Variants in SGCZ observed in about 807,000 individuals in gnomAD.
SGCZ encodes sarcoglycan zeta.
A neutral mutation model predicts 41.3 loss-of-function variants in SGCZ; 40 were observed. The observed-to-expected ratio is 0.97, with a 90% CI of 0.75 to 1.26. SGCZ has a LOEUF of 1.26. Among genes scored for constraint, SGCZ ranks in the 50% most tolerant of loss-of-function variants. The pLI, the probability that SGCZ is intolerant of heterozygous loss-of-function variation, is 0.00. For missense variants in SGCZ, 552 were observed against 369.8 expected, an observed-to-expected ratio of 1.49 and a Z score of -4.04; for synonymous variants, 206 against 137.5, an observed-to-expected ratio of 1.50 and a Z score of -3.49.
chr8:14,800,586 G>C (rs1006206162), intron 1 of SGCZ, among the ~76,000 whole-genome samples: 1 of 152,108 alleles, frequency 6.6e-6, no homozygotes, highest in African/African-American at 2.4e-5. Context: ...CTGTTTTCCT[G>C]ATAGAGTTCC....
intron 1 of SGCZ, among the ~76,000 whole-genome samples, chr8:14,646,080 T>TA (rs1807204689): frequency 6.6e-6 from 1 of 151,894 alleles, no homozygotes; most frequent in African/African-American, 2.4e-5. Flanking sequence ...TTATTTTAGA[T>TA]ACAGGGAATA....
intron 1 of SGCZ, among the ~76,000 whole-genome samples, chr8:15,032,449 A>G (rs1803708864): frequency 6.6e-6 from 1 of 152,040 alleles, no homozygotes; most frequent in Admixed American, 6.6e-5. Flanking sequence ...TTTGCCTTGG[A>G]CCCAACACCA....
chr8:14,520,925 T>C (rs537359481), intron 2 of SGCZ, among the ~76,000 whole-genome samples: 1 of 152,294 alleles, frequency 6.6e-6, no homozygotes, highest in African/African-American at 2.4e-5. Context: ...ATAAACTTAA[T>C]CACTAATCTT....
At chr8:14,851,094 G>A (rs1167584069) in intron 1 of SGCZ, among the ~76,000 whole-genome samples, 1 of 152,148 alleles carries the variant, frequency 6.6e-6, no homozygotes. Flanking sequence ...TCAAGGCTGG[G>A]CGCAGTGGCT....
At chr8:15,160,609 A>G (rs371765521) in intron 1 of SGCZ, among the ~76,000 whole-genome samples, 6 of 152,180 alleles carry the variant, frequency 3.9e-5, no homozygotes, top group Non-Finnish European at 8.8e-5. Flanking sequence ...GCCCTCTCCC[A>G]ATTTTTCTAG....
chr8:14,716,962 T>C (rs1325581572), intron 1 of SGCZ, among the ~76,000 whole-genome samples: 1 of 152,090 alleles, frequency 6.6e-6, no homozygotes, highest in African/African-American at 2.4e-5. Context: ...ATACATGAGA[T>C]GATTTCATCA....
chr8:14,946,189 T>C (rs1235137376), intron 1 of SGCZ, among the ~76,000 whole-genome samples: 1 of 150,662 alleles, frequency 6.6e-6, no homozygotes, highest in African/African-American at 2.4e-5. Flanking sequence ...GATGTCACTC[T>C]CATGGTGAGT....
chr8:15,236,446 G>C (rs1017372851), intron 1 of SGCZ, among the ~76,000 whole-genome samples: 159 of 151,822 alleles, frequency 1.0e-3, no homozygotes, highest in African/African-American at 3.7e-3. Flanking sequence ...GGGTGGGGGG[G>C]TGCCTAAACA....
intron 2 of SGCZ, among the ~76,000 whole-genome samples, chr8:14,529,454 C>A (rs1197760732): frequency 6.6e-6 from 1 of 152,146 alleles, no homozygotes; most frequent in African/African-American, 2.4e-5. Flanking sequence ...GTTCCTAACT[C>A]CCCATGAAGC....
intron 1 of SGCZ, among the ~76,000 whole-genome samples, chr8:15,184,823 T>G (rs930861323): frequency 6.6e-6 from 1 of 152,190 alleles, no homozygotes; most frequent in African/African-American, 2.4e-5. Context: ...GGCTTCCAAC[T>G]GTTGCTAATC....
intron 1 of SGCZ, among the ~76,000 whole-genome samples, chr8:14,557,503 T>C (rs889697074): frequency 6.6e-6 from 1 of 152,042 alleles, no homozygotes; most frequent in African/African-American, 2.4e-5. Context: ...CTTGCTTAAG[T>C]TAATATCTGG....
intron 1 of SGCZ, among the ~76,000 whole-genome samples, chr8:14,770,893 C>T (rs1431483911): frequency 1.3e-5 from 2 of 151,984 alleles, no homozygotes; most frequent in Non-Finnish European, 2.9e-5. Context: ...TTTAAAAAAA[C>T]AATAAATATG....
chr8:14,951,511 T>C (rs1264149414), intron 1 of SGCZ, among the ~76,000 whole-genome samples: 1 of 152,012 alleles, frequency 6.6e-6, no homozygotes, highest in Non-Finnish European at 1.5e-5. Flanking sequence ...CACCACAAAA[T>C]CATTCCTAAA....
At chr8:14,959,699 C>T (rs1351596224) in intron 1 of SGCZ, among the ~76,000 whole-genome samples, 1 of 152,082 alleles carries the variant, frequency 6.6e-6, no homozygotes. Context: ...ACAAACTGTT[C>T]TTAAGTTACT....
intron 1 of SGCZ, among the ~76,000 whole-genome samples, chr8:15,054,889 G>C (rs753716771): frequency 6.6e-6 from 1 of 151,652 alleles, no homozygotes; most frequent in Non-Finnish European, 1.5e-5. Context: ...GTGAACCTAG[G>C]AGGCAGAGCT....
At chr8:14,594,315 A>T (rs1292623917) in intron 1 of SGCZ, among the ~76,000 whole-genome samples, 1 of 152,028 alleles carries the variant, frequency 6.6e-6, no homozygotes, top group Non-Finnish European at 1.5e-5. Context: ...TTTGGGGATG[A>T]TGTTGATGCT....
intron 5 of SGCZ, among the ~76,000 whole-genome samples, chr8:14,155,503 G>C (rs902210121): frequency 2.6e-5 from 4 of 151,774 alleles, no homozygotes; most frequent in African/African-American, 4.8e-5. Flanking sequence ...ATTTTCTCCC[G>C]TTAGTCTCAT....
chr8:14,186,813 C>T (rs568462798), intron 4 of SGCZ, among the ~76,000 whole-genome samples: 1 of 152,178 alleles, frequency 6.6e-6, no homozygotes, highest in African/African-American at 2.4e-5. Context: ...AAAACTTCAT[C>T]GGAGACATAT....
At chr8:15,000,624 G>A (rs1802383406) in intron 1 of SGCZ, among the ~76,000 whole-genome samples, 1 of 152,158 alleles carries the variant, frequency 6.6e-6, no homozygotes, top group South Asian at 2.1e-4. Flanking sequence ...CACGTGTACA[G>A]CAAAGAACAG....
Sources: gnomAD v4.1 joint callset for allele counts (sites outside exome capture counted in the v4.1 genomes callset) on GRCh38, gnomAD v4.1.1 for gene constraint, MANE v1.5 for transcripts, NCBI Gene and HGNC (gene_info 2026-07-23, HGNC 2026-07-21) for gene names.